The following EYA1 variants were observed in gnomAD, a reference collection of about 807,000 sequenced individuals.
The protein encoded by EYA1 is protein phosphatase EYA1.
In EYA1, 16 loss-of-function variants were observed where a neutral mutation model predicts 82.0. The observed-to-expected ratio is 0.20, with a 90% CI of 0.13 to 0.30. The LOEUF (loss-of-function observed/expected upper bound fraction) is 0.30. EYA1 is among the 10% of genes least tolerant of loss of function. The probability of loss-of-function intolerance (pLI) is 1.00; values close to 1 mark genes in which losing one functional copy is unlikely to be tolerated. For missense variants in EYA1, 633 were observed against 730.7 expected, an observed-to-expected ratio of 0.87 and a Z score of 1.54; for synonymous variants, 261 against 264.4, an observed-to-expected ratio of 0.99 and a Z score of 0.12.
Position 71,199,020 on chromosome 8 carries a change from T to C in EYA1, c.*320A>G. On this transcript the variant is annotated 3_prime_UTR_variant, in exon 18 of 18. Coordinates refer to ENST00000340726, the MANE Select transcript of EYA1 (RefSeq NM_000503.6). ...GAAGCTGTTTATATCACATTGAAAATGCTAACAACTGAAGCGTTTGCAGGT... is the reference window on the plus strand; with the variant it reads ...GAAGCTGTTTATATCACATTGAAAACGCTAACAACTGAAGCGTTTGCAGGT... The C allele has an allele frequency of 2.5e-6, 1 of 393,330 alleles. No homozygotes were observed. Among genetic ancestry groups the C allele is most frequent in the Non-Finnish European group, 4.8e-6 (1 of 207,238 alleles). The allele number at this position is 393,330 out of a possible 1,614,324, so 24.4% of individuals were successfully genotyped here.
At chr8:71,449,372 G>A (rs1807167570) in intron 2 of EYA1, among the ~76,000 whole-genome samples, 1 of 152,156 alleles carries the variant, frequency 6.6e-6, no homozygotes, top group African/African-American at 2.4e-5. Context: ...AGCTGTGTTG[G>A]CAGGCATGAA....
intron 11 of EYA1, among the ~76,000 whole-genome samples, chr8:71,260,588 A>C (rs919717987): frequency 3.3e-5 from 5 of 152,204 alleles, no homozygotes; most frequent in Non-Finnish European, 7.3e-5. Context: ...TTGAGACAGG[A>C]GTTATCAGAA....
intron 2 of EYA1, among the ~76,000 whole-genome samples, chr8:71,389,729 A>T (rs746752836): frequency 3.3e-5 from 5 of 152,192 alleles, no homozygotes; most frequent in Non-Finnish European, 7.3e-5. Flanking sequence ...TGAGTTTCGT[A>T]CAAGATCATA....
rs151305463 is a variant in EYA1, at chr8:71,457,775, C to T, written c.33+77969G>A. On this transcript the variant is annotated intron_variant, in intron 2 of 18. Transcript: ENST00000643681. ...GGGGCCTGTAGCATTCGGAGATATACCTAATGTAAATGATGAGTTAATGGG... is the reference window on the plus strand; with the variant it reads ...GGGGCCTGTAGCATTCGGAGATATATCTAATGTAAATGATGAGTTAATGGG... Among the ~76,000 whole-genome samples, 677 of 151,994 alleles carry T rather than the reference C, an allele frequency of 4.5e-3. 8 individuals carry two copies. The highest frequency in any genetic ancestry group is 0.016 in the African/African-American group (654 of 41,482).
intron 2 of EYA1, among the ~76,000 whole-genome samples, chr8:71,494,018 G>A (rs1193393307): frequency 4.2e-5 from 1 of 23,780 alleles, no homozygotes. Context: ...GCGAGACTCC[G>A]TCTCAAAAAA....
intron 16 of EYA1, among the ~76,000 whole-genome samples, chr8:71,215,088 T>A (rs1292124352): frequency 1.3e-5 from 2 of 152,210 alleles, no homozygotes; most frequent in African/African-American, 2.4e-5. Context: ...ATATTTTTGT[T>A]AATGTTGCCT....
intron 2 of EYA1, among the ~76,000 whole-genome samples, chr8:71,454,097 C>CA (rs1353312183): frequency 1.3e-5 from 2 of 151,096 alleles, no homozygotes; most frequent in East Asian, 1.9e-4. Context: ...ACATGGAAAA[C>CA]AAAAAAAAGC....
intron 2 of EYA1, among the ~76,000 whole-genome samples, chr8:71,516,561 C>A (rs1476756520): frequency 6.6e-6 from 1 of 152,162 alleles, no homozygotes; most frequent in Non-Finnish European, 1.5e-5. Flanking sequence ...GCCAGTAACA[C>A]ATAAATGATT....
intron 2 of EYA1, among the ~76,000 whole-genome samples, chr8:71,472,788 G>GATATAT (rs71264559): frequency 0.087 from 10,954 of 126,548 alleles, 580 homozygotes; most frequent in East Asian, 0.12. Flanking sequence ...TAGCTTTGAA[G>GATATAT]ATATATATAT....
chr8:71,403,685 G>A (rs1563577327), intron 2 of EYA1: 1 of 152,076 alleles, frequency 6.6e-6, no homozygotes, highest in Non-Finnish European at 1.5e-5. Flanking sequence ...AAAAGAATCA[G>A]ATACAGCCAT....
chr8:71,407,655 G>A (rs1448802490), intron 2 of EYA1, among the ~76,000 whole-genome samples: 1 of 118,714 alleles, frequency 8.4e-6, no homozygotes, highest in Non-Finnish European at 1.7e-5. Context: ...AATGAAGCGA[G>A]AAGGGAAGTT....
chr8:71,389,607 G>A (rs1490554151), intron 2 of EYA1, among the ~76,000 whole-genome samples: 2 of 151,884 alleles, frequency 1.3e-5, no homozygotes, highest in Non-Finnish European at 1.5e-5. Context: ...TCAACATCAT[G>A]GAAAAAAATC....
upstream of EYA1, among the ~76,000 whole-genome samples, chr8:71,363,726 C>G (rs1037956960): frequency 1.3e-5 from 2 of 152,092 alleles, no homozygotes; most frequent in African/African-American, 4.8e-5. Context: ...GTAATTCAAT[C>G]TGATATCAAA....
chr8:71,393,303 A>G (rs1170898084), intron 2 of EYA1, among the ~76,000 whole-genome samples: 1 of 151,682 alleles, frequency 6.6e-6, no homozygotes, highest in African/African-American at 2.4e-5. Context: ...TATTATTATT[A>G]TTATTATTAT....
intron 2 of EYA1, among the ~76,000 whole-genome samples, chr8:71,427,560 C>T (rs1805322512): frequency 6.6e-6 from 1 of 152,176 alleles, no homozygotes; most frequent in African/African-American, 2.4e-5. Flanking sequence ...CTTCTCTCAC[C>T]TCATTGTGGG....
intron 9 of EYA1, among the ~76,000 whole-genome samples, chr8:71,289,742 C>T (rs958687719): frequency 2.0e-5 from 3 of 152,178 alleles, no homozygotes; most frequent in Non-Finnish European, 4.4e-5. Context: ...AATGAATGAA[C>T]AGTGCTTAGA....
intron 12 of EYA1, among the ~76,000 whole-genome samples, chr8:71,240,111 C>A (rs895429565): frequency 6.6e-6 from 1 of 152,046 alleles, no homozygotes; most frequent in African/African-American, 2.4e-5. Context: ...CTGAATTAAA[C>A]CAAGGGATAA....
Position 71,412,426 on chromosome 8 carries a change from TA to T in EYA1, c.34-55916del, listed in dbSNP as rs71264554. Among the ~76,000 whole-genome samples the T allele has an allele frequency of 2.7e-3, 292 of 107,502 alleles. 3 individuals carry two copies. Among genetic ancestry groups the T allele is most frequent in the African/African-American group, 0.012 (284 of 24,570 alleles). 70.5% of individuals were successfully genotyped at this position (107,502 alleles called of 152,430 possible). On this transcript the variant is annotated intron_variant, in intron 2 of 18. Transcript: ENST00000643681. Reference sequence around the variant, plus strand: ...AAATAAAAAATAAAATAAAATAAAATAAAAAAAAGAAATTGTTGTTCATTTA... The same window carrying T: ...AAATAAAAAATAAAATAAAATAAAATAAAAAAAGAAATTGTTGTTCATTTA...
At chr8:71,201,584 C>G (rs923434139) in intron 17 of EYA1, among the ~76,000 whole-genome samples, 1 of 152,114 alleles carries the variant, frequency 6.6e-6, no homozygotes, top group African/African-American at 2.4e-5. Context: ...TAAAGAAATA[C>G]AAATCATTTC....
Sources: gnomAD v4.1 joint callset for allele counts (sites outside exome capture counted in the v4.1 genomes callset) on GRCh38, gnomAD v4.1.1 for gene constraint, MANE v1.5 for transcripts, NCBI Gene and HGNC (gene_info 2026-07-23, HGNC 2026-07-21) for gene names.